SBF2: variants seen among roughly 807,000 people sequenced by gnomAD.
SBF2 encodes myotubularin-related protein 13.
A neutral mutation model predicts 225.2 loss-of-function variants in SBF2; 112 were observed. That is an observed-to-expected ratio of 0.50 (90% CI 0.43 to 0.58). The LOEUF (loss-of-function observed/expected upper bound fraction) is 0.58, where lower values mean the gene tolerates loss of function less well. SBF2 is among the 20% of genes least tolerant of loss of function. The pLI is 0.00. For missense variants in SBF2, 1,996 were observed against 2,206.2 expected (o/e 0.90, Z 1.91); for synonymous variants, 763 against 773.3 (o/e 0.99, Z 0.22).
chr11:10,212,638 T>A (rs758465946), intron 1 of SBF2, among the ~76,000 whole-genome samples: 27 of 152,230 alleles, frequency 1.8e-4, no homozygotes, highest in Non-Finnish European at 3.4e-4. Context: ...CATTTGTTTG[T>A]TTAGTTCCAG....
rs530590301 is a variant in SBF2 at position 10,149,524 on chromosome 11, T to C, written c.141+44378A>G. The C allele has an allele frequency of 2.0e-5, 3 of 152,328 alleles. No individual in the cohort carries two copies. In the South Asian group the frequency reaches 6.2e-4, roughly 32 times the overall value. 9.4% of individuals were successfully genotyped at this position (152,328 alleles called of 1,614,324 possible). On this transcript the variant is annotated intron_variant, in intron 2 of 39. Coordinates refer to ENST00000256190, the MANE Select transcript of SBF2 (RefSeq NM_030962.4). Reference sequence around the variant, plus strand: ...ACAACTTCTTTTCTTAAACCTTCAATCTTGGTAGAAACATGAAATGGCCTC... The same window carrying C: ...ACAACTTCTTTTCTTAAACCTTCAACCTTGGTAGAAACATGAAATGGCCTC...
At chr11:10,173,452 C>A (rs1339478444) in intron 2 of SBF2, among the ~76,000 whole-genome samples, 2 of 152,242 alleles carry the variant, frequency 1.3e-5, no homozygotes, top group African/African-American at 4.8e-5. Flanking sequence ...GCTTTTCCGA[C>A]AGGCTTAAAA....
At chr11:10,121,806 T>C (rs562832172) in intron 2 of SBF2, among the ~76,000 whole-genome samples, 13 of 152,348 alleles carry the variant, frequency 8.5e-5, no homozygotes, top group African/African-American at 3.1e-4. Context: ...AAGTTTTAAA[T>C]TTCATACCAT....
chr11:10,285,704 G>C (rs559664362), intron 1 of SBF2, among the ~76,000 whole-genome samples: 1 of 152,302 alleles, frequency 6.6e-6, no homozygotes, highest in Non-Finnish European at 1.5e-5. Context: ...CTCTCAAGCT[G>C]CTTGCTCAAG....
intron 1 of SBF2, among the ~76,000 whole-genome samples, chr11:10,232,434 C>G (rs919252315): frequency 1.3e-5 from 2 of 152,148 alleles, no homozygotes; most frequent in Admixed American, 1.3e-4. Context: ...TGTTCCTATT[C>G]GGCCATCTTG....
chr11:10,295,288 T>C (rs1964461682), upstream of SBF2, among the ~76,000 whole-genome samples: 2 of 152,184 alleles, frequency 1.3e-5, no homozygotes, highest in South Asian at 4.1e-4. Context: ...CAAAATATTT[T>C]AAATGAGTAA....
At chr11:9,938,232 A>G (rs1228464600) in intron 16 of SBF2, among the ~76,000 whole-genome samples, 2 of 151,934 alleles carry the variant, frequency 1.3e-5, no homozygotes, top group Non-Finnish European at 2.9e-5. Flanking sequence ...TGGAGCTTGC[A>G]GTGAGCTGAG....
intron 6 of SBF2, among the ~76,000 whole-genome samples, chr11:10,027,876 G>C (rs564950319): frequency 6.6e-6 from 1 of 152,194 alleles, no homozygotes; most frequent in East Asian, 1.9e-4. Context: ...TTCCACAAAA[G>C]CAGTTCATCT....
rs911141904 is a variant in SBF2, at chr11:9,858,244, G to C, written c.2082C>G (p.Ala694=). 2.5e-6 allele frequency: 4 copies of C among 1,614,100 alleles called. No individual in the cohort carries two copies. The highest frequency in any genetic ancestry group is 1.3e-5 in the African/African-American group (1 of 75,026). The change falls in exon 18 of 40, where the codon GCC becomes GCG. Residue 694 remains alanine, a synonymous_variant. Transcript: ENST00000256190. ...CTCTTACCTTTTGCTTCAGATGCGG[G>C]GCATGATTGTCTTCCTTGGCTGAGA... is the stretch of plus-strand genomic sequence containing the variant. ...LYLSAKEDNH[A]PHLKQKDKLP...
chr11:9,789,681 AC>A lies in SBF2; in HGVS notation c.4699-340del, dbSNP rs541505912. Among the ~76,000 whole-genome samples, 1,061 of 151,778 alleles carry A rather than the reference AC, an allele frequency of 7.0e-3. 9 individuals are homozygous for A. Among genetic ancestry groups the A allele is most frequent in the Middle Eastern group, 0.021 (6 of 292 alleles). The stretch of plus-strand genomic sequence containing the variant: ...TGTCCTTGGCCTCTCTTCTCCACCC[AC>A]CCCTATCTTACATTCTAAGGGTCTT... On this transcript the variant is annotated intron_variant, in intron 34 of 39. Transcript: ENST00000256190.
In SBF2 at chr11:9,832,363, T is replaced by C; in HGVS notation, c.3513A>G (p.Val1171=). Residue 1171 remains valine, a synonymous_variant, in exon 27 of 40, where the codon GTA becomes GTG. Transcript: ENST00000256190. ...GGCGATTGTGTCGATAGCAGCGAGC[T>C]ACTCTTGGTAAACTACTGTCCTGTA... ...QAVQDSSLPR[V]ARCYRHNRLP... The C allele has an allele frequency of 6.2e-7, 1 of 1,614,028 alleles. No individual in the cohort carries two copies. The highest frequency in any genetic ancestry group is 8.5e-7 in the Non-Finnish European group (1 of 1,179,958).
intron 26 of SBF2, among the ~76,000 whole-genome samples, chr11:9,833,408 C>CT (rs970368701): frequency 1.4e-5 from 2 of 143,468 alleles, no homozygotes; most frequent in African/African-American, 2.5e-5. Flanking sequence ...AATCCTATAT[C>CT]TTTTTTTTGG....
At chr11:10,300,039 T>C (rs1964579769) in intron 1 of SBF2, among the ~76,000 whole-genome samples, 1 of 152,200 alleles carries the variant, frequency 6.6e-6, no homozygotes, top group Admixed American at 6.5e-5. Flanking sequence ...AGGACTCCTT[T>C]CATTTTTTCT....
At chr11:9,841,193 C>G (rs531040447) in intron 25 of SBF2, among the ~76,000 whole-genome samples, 104 of 152,214 alleles carry the variant, frequency 6.8e-4, no homozygotes, top group African/African-American at 2.4e-3. Flanking sequence ...GTGAACTTCA[C>G]AATGCAATAT....
At chr11:10,167,032 G>C (rs1213671746) in intron 2 of SBF2, among the ~76,000 whole-genome samples, 1 of 151,366 alleles carries the variant, frequency 6.6e-6, no homozygotes, top group Admixed American at 6.6e-5. Context: ...TTAAGCAACT[G>C]CTCAGTTACA....
chr11:10,124,359 T>C (rs1488662685), intron 2 of SBF2, among the ~76,000 whole-genome samples: 8 of 152,192 alleles, frequency 5.3e-5, no homozygotes, highest in African/African-American at 7.2e-5. Context: ...CTAGACACTG[T>C]GAAGTTCCAT....
At chr11:10,044,684 G>C (rs1489192753) in intron 2 of SBF2, 2 of 153,452 alleles carry the variant, frequency 1.3e-5, no homozygotes, top group Admixed American at 1.3e-4. Context: ...CCACCTTCTT[G>C]TACTTTCTCA....
chr11:10,268,728 A>G (rs1962218616), intron 1 of SBF2, among the ~76,000 whole-genome samples: 2 of 151,680 alleles, frequency 1.3e-5, no homozygotes, highest in Admixed American at 1.3e-4. Flanking sequence ...CTCTACGGAT[A>G]GCATACTGTG....
chr11:10,166,990 A>ACACACACACACACACAC (rs1282714502), intron 2 of SBF2, among the ~76,000 whole-genome samples: 1,546 of 146,048 alleles, frequency 0.011, 7 homozygotes, highest in Middle Eastern at 0.031. Flanking sequence ...CACACACACA[A>ACACACACACACACACAC]AAAGGCTACT....
Sources: allele counts gnomAD v4.1 joint callset (sites outside exome capture counted in the v4.1 genomes callset), GRCh38; gene constraint gnomAD v4.1.1; transcripts MANE v1.5; gene names NCBI Gene and HGNC (gene_info 2026-07-23, HGNC 2026-07-21).